Variants in HSD17B4 observed in about 807,000 individuals in gnomAD.
HSD17B4 encodes the protein peroxisomal multifunctional enzyme type 2.
Under a neutral mutation model 101.0 loss-of-function variants are expected in HSD17B4, and 70 were observed. The ratio of observed to expected loss-of-function variants is 0.69; its 90% CI spans 0.57 to 0.85. HSD17B4 has a LOEUF of 0.85. Ranked by LOEUF, HSD17B4 falls within the 40% of genes least tolerant of loss-of-function variation. The probability of loss-of-function intolerance (pLI) is 0.00; values close to 1 mark genes in which losing one functional copy is unlikely to be tolerated. For missense variants in HSD17B4, 984 were observed against 892.4 expected, an observed-to-expected ratio of 1.10 and a Z score of -1.31; for synonymous variants, 347 against 297.1, an observed-to-expected ratio of 1.17 and a Z score of -1.73.
chr5:119,459,330 C>T (rs558866903), intron 2 of HSD17B4, among the ~76,000 whole-genome samples: 3 of 152,124 alleles, frequency 2.0e-5, no homozygotes, highest in Non-Finnish European at 2.9e-5. Flanking sequence ...TAAAGACTTT[C>T]GGAAAGGGAA....
At chr5:119,527,299 T>C in intron 20 of HSD17B4, 80 bp downstream of exon 20, 1 of 787,338 alleles carries the variant, frequency 1.3e-6, no homozygotes, top group South Asian at 1.5e-5. Flanking sequence ...GTTAGTACTA[T>C]GGATAGAAAG....
At position 119,529,988 on chromosome 5, in the gene HSD17B4, A is replaced by G. The variant is rs948115405; in HGVS notation, c.1854+8A>G. 1 of 1,550,034 alleles carries G rather than the reference A, an allele frequency of 6.5e-7. No homozygotes were observed. Among genetic ancestry groups the G allele is most frequent in the Admixed American group, 1.7e-5 (1 of 59,868 alleles). On this transcript the variant is annotated splice_region_variant and intron_variant, in intron 21 of 23. Transcript: ENST00000510025. ...GCTAAGACACCCTCTGAGGTAGGTT[A>G]TAAAAATTAGTATCCAAGCCACTTC...
chr5:119,523,137 AT>A lies in HSD17B4; in HGVS notation c.1504-2069del, dbSNP rs939430547. On this transcript the variant is annotated intron_variant, in intron 17 of 23. Transcript: ENST00000510025. ...AGTTTTATTTGTTCTCATTATTTGT[AT>A]TTTTTTTTTCGAGGATATGAGGACT... 2.6e-3 allele frequency among the ~76,000 whole-genome samples: 390 copies of A among 148,376 alleles called. 5 individuals carry two copies. The highest frequency in any genetic ancestry group is 1.9e-3 in the Non-Finnish European group (130 of 66,840).
Position 119,456,368 on chromosome 5 carries a change from G to C in HSD17B4, c.112G>C (p.Val38Leu). 1 of 1,595,872 alleles carries C rather than the reference G, an allele frequency of 6.3e-7. No homozygotes were observed. Among genetic ancestry groups the C allele is most frequent in the Non-Finnish European group, 8.6e-7 (1 of 1,163,378 alleles). ...AFAERGALVV[V>L]NDLGGDFKGV... ...TGCAGAAAGAGGAGCGTTAGTTGTTGGTAAGTTGGTGTGTTTTTCTTTTTA... is the reference window on the plus strand; with the variant it reads ...TGCAGAAAGAGGAGCGTTAGTTGTTCGTAAGTTGGTGTGTTTTTCTTTTTA... Residue 38 changes from valine (V) to leucine (L), a missense_variant and splice_region_variant, in exon 2 of 24, where the codon GTG becomes CTG. Physicochemically the swap from Val to Leu is conservative, Grantham distance 32. Coordinates refer to ENST00000510025, the MANE Select transcript of HSD17B4 (RefSeq NM_000414.4).
chr5:119,518,620 T>C (rs953772277), intron 17 of HSD17B4, among the ~76,000 whole-genome samples: 1 of 152,100 alleles, frequency 6.6e-6, no homozygotes. Context: ...AGCATTCACA[T>C]TGGAGACTAG....
chr5:119,482,814 G>A lies in HSD17B4; in HGVS notation c.622+3793G>A, dbSNP rs114336772. On this transcript the variant is annotated intron_variant, in intron 8 of 23. Coordinates refer to ENST00000510025, the MANE Select transcript of HSD17B4 (RefSeq NM_000414.4). ...AGTGGTAAGGTATTGGGGAGGGGAA[G>A]TGTTCTGTACCCTTATTATTAAATC... 4.6e-3 allele frequency among the ~76,000 whole-genome samples: 706 copies of A among 152,222 alleles called. 1 individual carries two copies. Among genetic ancestry groups the A allele is most frequent in the Non-Finnish European group, 7.9e-3 (535 of 67,994 alleles).
chr5:119,540,979 T>C (rs1186382923), intron 23 of HSD17B4, among the ~76,000 whole-genome samples: 5 of 152,226 alleles, frequency 3.3e-5, no homozygotes. Flanking sequence ...AGCTGCTTTG[T>C]AATGCTCAGT....
At chr5:119,500,140 G>T (rs935197547) in intron 13 of HSD17B4, among the ~76,000 whole-genome samples, 3 of 152,102 alleles carry the variant, frequency 2.0e-5, no homozygotes, top group Non-Finnish European at 4.4e-5. Context: ...ACTGGTACAA[G>T]CTTGTTGCTT....
At chr5:119,511,744 TACTA>T (rs1752189206) in intron 16 of HSD17B4, among the ~76,000 whole-genome samples, 1 of 152,202 alleles carries the variant, frequency 6.6e-6, no homozygotes, top group Admixed American at 6.5e-5. Flanking sequence ...CTAGCTAAGT[TACTA>T]AATAAATAAA....
At chr5:119,490,634 G>C (rs1750014331) in intron 9 of HSD17B4, among the ~76,000 whole-genome samples, 1 of 151,926 alleles carries the variant, frequency 6.6e-6, no homozygotes, top group Non-Finnish European at 1.5e-5. Context: ...GCGTGATCTT[G>C]GTTCATTCAC....
intron 2 of HSD17B4, among the ~76,000 whole-genome samples, chr5:119,466,252 CTTCAGTT>C (rs148035623): frequency 0.026 from 4,005 of 152,158 alleles, 172 homozygotes; most frequent in African/African-American, 0.089. Flanking sequence ...GGATATTGGA[CTTCAGTT>C]TTCTTTTTTT....
chr5:119,526,328 G>T (rs1561486182), intron 19 of HSD17B4, among the ~76,000 whole-genome samples: 2 of 150,556 alleles, frequency 1.3e-5, no homozygotes, highest in South Asian at 2.1e-4. Flanking sequence ...CTCAAGATTT[G>T]CTTTTTTTAA....
At chr5:119,491,617 G>A (rs989594307) in intron 9 of HSD17B4, among the ~76,000 whole-genome samples, 10 of 152,078 alleles carry the variant, frequency 6.6e-5, no homozygotes, top group Admixed American at 3.9e-4. Context: ...AGTTCACTAA[G>A]TCAAATACTC....
chr5:119,495,430 T>C (rs1750548272), intron 11 of HSD17B4, among the ~76,000 whole-genome samples: 2 of 152,296 alleles, frequency 1.3e-5, no homozygotes, highest in Middle Eastern at 3.4e-3. Flanking sequence ...TCTTCTACTG[T>C]TTTTATTTTA....
chr5:119,526,559 AG>A (rs1359840975), intron 19 of HSD17B4, among the ~76,000 whole-genome samples: 8 of 152,126 alleles, frequency 5.3e-5, no homozygotes, highest in Non-Finnish European at 7.4e-5. Flanking sequence ...AAAAAGTTTA[AG>A]GGGTTGTCAA....
intron 2 of HSD17B4, among the ~76,000 whole-genome samples, chr5:119,463,365 A>T (rs1191067280): frequency 6.6e-6 from 1 of 152,128 alleles, no homozygotes; most frequent in African/African-American, 2.4e-5. Flanking sequence ...CCTTTGGGTT[A>T]TATATACCCA....
intron 2 of HSD17B4, chr5:119,471,535 A>G (rs2126672974): frequency 2.2e-6 from 1 of 462,882 alleles, no homozygotes; most frequent in East Asian, 3.5e-5. Context: ...TTCAGAAGAA[A>G]AAAAAATCTT....
At chr5:119,506,017 A>G (rs1751615121) in intron 14 of HSD17B4, among the ~76,000 whole-genome samples, 1 of 152,048 alleles carries the variant, frequency 6.6e-6, no homozygotes, top group Non-Finnish European at 1.5e-5. Flanking sequence ...CAGGAACATT[A>G]TTATTATTTT....
chr5:119,456,159 G>A (rs1347852304), intron 1 of HSD17B4, among the ~76,000 whole-genome samples, 156 bp from the exon 2 acceptor site: 3 of 152,120 alleles, frequency 2.0e-5, no homozygotes, highest in African/African-American at 4.8e-5. Flanking sequence ...AGAAGAGAGT[G>A]GATAGGTTGA....
Sources: allele counts gnomAD v4.1 joint callset (sites outside exome capture counted in the v4.1 genomes callset), GRCh38; gene constraint gnomAD v4.1.1; transcripts MANE v1.5; gene names NCBI Gene and HGNC (gene_info 2026-07-23, HGNC 2026-07-21).